The following FARS2 variants were observed in gnomAD, a reference collection of about 807,000 sequenced individuals.
FARS2 encodes the protein phenylalanine--tRNA ligase, mitochondrial.
FARS2 carries 40 observed loss-of-function variants against 46.4 expected under a neutral mutation model. The observed-to-expected ratio is 0.86, with a 90% confidence interval of 0.67 to 1.12. The LOEUF is 1.12. Among genes scored for constraint, FARS2 ranks in the 50% most tolerant of loss-of-function variants. FARS2 has a pLI of 0.00. For synonymous variants in FARS2, 234 were observed against 214.9 expected (o/e 1.09, Z -0.78); for missense variants, 513 against 567.9 (o/e 0.90, Z 0.98).
chr6:5,472,471 A>T (rs1181351541), intron 4 of FARS2, among the ~76,000 whole-genome samples: 1 of 152,232 alleles, frequency 6.6e-6, no homozygotes, highest in African/African-American at 2.4e-5. Context: ...GCAGGAGAGA[A>T]TAATGCTGCA....
intron 6 of FARS2, among the ~76,000 whole-genome samples, chr6:5,680,203 G>T (rs149199151): frequency 9.0e-4 from 137 of 152,336 alleles, no homozygotes; most frequent in African/African-American, 3.0e-3. Context: ...TGTGTGCTTG[G>T]ACGTTGTGTG....
At chr6:5,481,869 G>A (rs539150804) in intron 4 of FARS2, among the ~76,000 whole-genome samples, 7 of 152,192 alleles carry the variant, frequency 4.6e-5, no homozygotes, top group South Asian at 2.1e-4. Context: ...ATTTTCACAC[G>A]TGGAGACGCA....
At chr6:5,606,019 G>A (rs1001880393) in intron 5 of FARS2, among the ~76,000 whole-genome samples, 1 of 152,106 alleles carries the variant, frequency 6.6e-6, no homozygotes, top group East Asian at 1.9e-4. Context: ...GACACACACA[G>A]AATAAAACCT....
At chr6:5,456,304 G>A (rs1446027139) in intron 4 of FARS2, among the ~76,000 whole-genome samples, 1 of 152,184 alleles carries the variant, frequency 6.6e-6, no homozygotes, top group Non-Finnish European at 1.5e-5. Flanking sequence ...ATACAGCAGA[G>A]TACAAACAAA....
chr6:5,269,074 A>C (rs944930296), intron 1 of FARS2, among the ~76,000 whole-genome samples: 1 of 152,228 alleles, frequency 6.6e-6, no homozygotes, highest in African/African-American at 2.4e-5. Context: ...AATAGCAAAG[A>C]CTTGGAACCA....
At chr6:5,483,527 C>T (rs2150347070) in intron 4 of FARS2, among the ~76,000 whole-genome samples, 1 of 152,138 alleles carries the variant, frequency 6.6e-6, no homozygotes, top group South Asian at 2.1e-4. Flanking sequence ...ATTAACCAAG[C>T]TTGATTGTAC....
At chr6:5,270,828 C>T (rs1765893587) in intron 1 of FARS2, among the ~76,000 whole-genome samples, 1 of 152,154 alleles carries the variant, frequency 6.6e-6, no homozygotes. Context: ...TAGTACTCAC[C>T]TCTTTCCCCT....
intron 5 of FARS2, among the ~76,000 whole-genome samples, chr6:5,555,710 G>A (rs1448356134): frequency 6.6e-6 from 1 of 151,974 alleles, no homozygotes; most frequent in Non-Finnish European, 1.5e-5. Flanking sequence ...ATTTCCATGT[G>A]TATTTTTCTC....
chr6:5,617,835 G>A (rs571041597), intron 6 of FARS2, among the ~76,000 whole-genome samples: 2 of 152,252 alleles, frequency 1.3e-5, no homozygotes, highest in South Asian at 4.1e-4. Flanking sequence ...GAAATACCTT[G>A]TTTAGGCCAC....
At chr6:5,759,358 T>G (rs1039224560) in intron 6 of FARS2, among the ~76,000 whole-genome samples, 1 of 152,208 alleles carries the variant, frequency 6.6e-6, no homozygotes, top group Admixed American at 6.5e-5. Flanking sequence ...TTTAGCACAT[T>G]GTAATTTACA....
the FARS2 span, among the ~76,000 whole-genome samples, chr6:5,251,047 C>T: frequency 6.6e-6 from 1 of 152,222 alleles, no homozygotes; most frequent in Non-Finnish European, 1.5e-5. Flanking sequence ...TGCATGCTTC[C>T]TCTGTAAGTT....
chr6:5,483,958 T>C (rs1384828723), intron 4 of FARS2, among the ~76,000 whole-genome samples: 1 of 151,900 alleles, frequency 6.6e-6, no homozygotes, highest in Non-Finnish European at 1.5e-5. Context: ...ACTTGGAAGT[T>C]TGAAATGCCC....
chr6:5,499,513 G>A lies in FARS2; in HGVS notation c.905-45667G>A, dbSNP rs533833927. Among the ~76,000 whole-genome samples the A allele has an allele frequency of 2.6e-5, 4 of 152,280 alleles. No homozygotes were observed. The South Asian group carries it at 6.2e-4, about 24-fold the overall frequency. ...AGCACTGCTTGGGTCTGTGAGCTTG[G>A]AGCAAGTCATTTAATCTCTCTGGGC... On this transcript the variant is annotated intron_variant, in intron 4 of 6. Coordinates refer to ENST00000274680, the MANE Select transcript of FARS2 (RefSeq NM_006567.5).
intron 6 of FARS2, among the ~76,000 whole-genome samples, chr6:5,770,780 A>G (rs566679979): frequency 6.6e-6 from 1 of 152,360 alleles, no homozygotes. Context: ...TATGGCCTGT[A>G]TGCTTCCTGG....
At chr6:5,291,058 T>C (rs896296729) in intron 1 of FARS2, 4 of 152,216 alleles carry the variant, frequency 2.6e-5, no homozygotes, top group Non-Finnish European at 5.9e-5. Context: ...TCCAAATGTC[T>C]TCTTGAAGCA....
intron 6 of FARS2, among the ~76,000 whole-genome samples, chr6:5,714,042 A>G (rs1264082005): frequency 2.0e-5 from 3 of 152,206 alleles, no homozygotes; most frequent in African/African-American, 7.2e-5. Flanking sequence ...CTGTGCAGAG[A>G]GCACATGTGA....
intron 1 of FARS2, among the ~76,000 whole-genome samples, chr6:5,278,921 T>C (rs953203904): frequency 2.6e-5 from 4 of 152,170 alleles, no homozygotes; most frequent in Non-Finnish European, 5.9e-5. Context: ...AGGCCTTGAG[T>C]GCACAACAAG....
the FARS2 span, among the ~76,000 whole-genome samples, chr6:5,254,927 T>C: frequency 4.6e-5 from 7 of 152,050 alleles, no homozygotes; most frequent in Non-Finnish European, 1.0e-4. Context: ...ACGGCAGCAA[T>C]TTACGCACTT....
intron 6 of FARS2, among the ~76,000 whole-genome samples, chr6:5,725,880 A>T (rs1168866228): frequency 6.6e-6 from 1 of 152,236 alleles, no homozygotes; most frequent in Non-Finnish European, 1.5e-5. Context: ...GGTTGCAGTG[A>T]GTCGAGATGG....
Sources: allele counts gnomAD v4.1 joint callset (sites outside exome capture counted in the v4.1 genomes callset), GRCh38; gene constraint gnomAD v4.1.1; transcripts MANE v1.5; gene names NCBI Gene and HGNC (gene_info 2026-07-23, HGNC 2026-07-21).